Variants in NMBR observed in about 807,000 individuals in gnomAD.
NMBR encodes the protein neuromedin-B receptor.
Under a neutral mutation model 20.5 loss-of-function variants are expected in NMBR, and 16 were observed. That is an observed-to-expected ratio of 0.78 (90% CI 0.53 to 1.19). The LOEUF (loss-of-function observed/expected upper bound fraction) is 1.19. Ranked by LOEUF, NMBR falls within the 50% of genes most tolerant of loss-of-function variation. The pLI is 0.00. For missense variants in NMBR, 582 were observed against 499.1 expected, an observed-to-expected ratio of 1.17 and a Z score of -1.58; for synonymous variants, 212 against 196.6, an observed-to-expected ratio of 1.08 and a Z score of -0.65.
intron 1 of NMBR, among the ~76,000 whole-genome samples, chr6:142,141,625 C>A (rs1778363190): frequency 6.6e-6 from 1 of 151,122 alleles, no homozygotes; most frequent in Non-Finnish European, 1.5e-5. Context: ...CTGCCTCAGC[C>A]TCCCGAATAG....
At chr6:142,116,840 A>T (rs1208949912) in intron 1 of NMBR, among the ~76,000 whole-genome samples, 1 of 152,064 alleles carries the variant, frequency 6.6e-6, no homozygotes, top group African/African-American at 2.4e-5. Flanking sequence ...TAAACAAATA[A>T]GCCATAATTA....
At chr6:142,131,907 C>A (rs1259693321) in intron 1 of NMBR, among the ~76,000 whole-genome samples, 1 of 152,186 alleles carries the variant, frequency 6.6e-6, no homozygotes. Context: ...AAAGCCAAAG[C>A]ACTATTCCTT....
chr6:142,093,439 G>A (rs546364404), intron 1 of NMBR, among the ~76,000 whole-genome samples: 42 of 151,210 alleles, frequency 2.8e-4, no homozygotes, highest in Admixed American at 7.2e-4. Context: ...TGCTGAGAAT[G>A]ATGGTTTCCA....
chr6:142,118,607 G>C (rs1777891687), intron 1 of NMBR, among the ~76,000 whole-genome samples: 1 of 151,962 alleles, frequency 6.6e-6, no homozygotes, highest in Non-Finnish European at 1.5e-5. Context: ...TACTCAGCAG[G>C]CATGAAATGT....
chr6:142,088,204 T>C, intron 2 of NMBR, 33 bp downstream of exon 2: 5 of 1,593,832 alleles, frequency 3.1e-6, no homozygotes, highest in Non-Finnish European at 4.3e-6. Flanking sequence ...TCCACGACTT[T>C]TCCAAGCCAC....
chr6:142,139,007 A>T (rs764213283), intron 1 of NMBR, among the ~76,000 whole-genome samples: 1 of 152,088 alleles, frequency 6.6e-6, no homozygotes, highest in South Asian at 2.1e-4. Flanking sequence ...TCAGATGTCT[A>T]TTTGGTGGTT....
At chr6:142,106,241 G>A (rs1048892094) in intron 1 of NMBR, among the ~76,000 whole-genome samples, 5 of 152,108 alleles carry the variant, frequency 3.3e-5, no homozygotes, top group African/African-American at 1.2e-4. Flanking sequence ...TCCCAAAATA[G>A]CAAGGAGGCA....
chr6:142,105,308 A>G (rs1210370229), intron 1 of NMBR, among the ~76,000 whole-genome samples: 1 of 152,162 alleles, frequency 6.6e-6, no homozygotes, highest in Non-Finnish European at 1.5e-5. Context: ...GTCACAGGCG[A>G]TATGATGGCT....
chr6:142,129,210 T>C (rs1778096315), intron 1 of NMBR, among the ~76,000 whole-genome samples: 1 of 151,640 alleles, frequency 6.6e-6, no homozygotes, highest in Admixed American at 6.6e-5. Context: ...ACTCCCAGGG[T>C]TTAGAATAGT....
chr6:142,105,508 C>A (rs777204347), intron 1 of NMBR, among the ~76,000 whole-genome samples: 17 of 152,130 alleles, frequency 1.1e-4, no homozygotes, highest in Non-Finnish European at 1.6e-4. Context: ...TTTACATTTT[C>A]TCCAACTTTA....
intron 1 of NMBR, among the ~76,000 whole-genome samples, chr6:142,101,613 G>A (rs953890049): frequency 3.3e-5 from 5 of 152,082 alleles, no homozygotes; most frequent in African/African-American, 1.2e-4. Context: ...TTTTCTTTAA[G>A]GTCTTAGTTT....
chr6:142,104,380 C>T (rs917787689), intron 1 of NMBR, among the ~76,000 whole-genome samples: 3 of 152,142 alleles, frequency 2.0e-5, no homozygotes, highest in Admixed American at 6.5e-5. Flanking sequence ...TTTTATTTGG[C>T]AGTGGTTTCC....
Position 142,116,845 on chromosome 6 carries a change from T to A in NMBR, c.-663-27524A>T, listed in dbSNP as rs529990085. Among the ~76,000 whole-genome samples the A allele has an allele frequency of 5.9e-5, 9 of 152,182 alleles. No individual in the cohort carries two copies. The South Asian group carries it at 1.4e-3, about 25-fold the overall frequency. The stretch of plus-strand genomic sequence containing the variant: ...TATTCACTGTTAAACAAATAAGCCA[T>A]AATTATTATCATTGTCATTAGCATA... On this transcript the variant is annotated intron_variant, in intron 1 of 3. Transcript: ENST00000258042.
chr6:142,076,613 A>T (rs1776955102), intron 3 of NMBR, among the ~76,000 whole-genome samples: 2 of 152,196 alleles, frequency 1.3e-5, no homozygotes, highest in African/African-American at 4.8e-5. Flanking sequence ...TGTCACATTC[A>T]CAAATAAAAA....
chr6:142,099,141 C>T (rs866964300), intron 1 of NMBR, among the ~76,000 whole-genome samples: 2 of 152,038 alleles, frequency 1.3e-5, no homozygotes, highest in Admixed American at 6.6e-5. Flanking sequence ...GAGTTTACAC[C>T]CTCCACAAAA....
chr6:142,075,686 G>T lies in NMBR; in HGVS notation c.1135C>A (p.Leu379Ile), dbSNP rs1323991449. 6.2e-7 allele frequency: 1 copy of T among 1,613,254 alleles called. No individual in the cohort carries two copies. The highest frequency in any genetic ancestry group is 8.5e-7 in the Non-Finnish European group (1 of 1,179,624). ...TCCTGCTTCATGCTGTGCCCATTTA[G>T]TAAAACAGAATTGGTCACCATGTTC... is the stretch of plus-strand genomic sequence containing the variant. Reference protein sequence around the residue: ...AKNMVTNSVLLNGHSMKQEMA... With the variant: ...AKNMVTNSVLINGHSMKQEMA... Residue 379 changes from leucine (L) to isoleucine (I), a missense_variant, in exon 4 of 4, where the codon CTA (leucine) becomes ATA (isoleucine). Leu to Ile is a conservative substitution (Grantham distance 5). Transcript: ENST00000258042.
At chr6:142,124,791 A>G (rs1778002305) in intron 1 of NMBR, among the ~76,000 whole-genome samples, 1 of 151,966 alleles carries the variant, frequency 6.6e-6, no homozygotes, top group Non-Finnish European at 1.5e-5. Flanking sequence ...TGGCACATCT[A>G]AATTACTGAC....
intron 1 of NMBR, among the ~76,000 whole-genome samples, chr6:142,137,180 G>T (rs916060572): frequency 6.6e-6 from 1 of 152,116 alleles, no homozygotes; most frequent in African/African-American, 2.4e-5. Context: ...TTGAGCAGTG[G>T]TTTGCAGTTC....
intron 2 of NMBR, 79 bp downstream of exon 2, chr6:142,088,158 G>T: frequency 7.1e-7 from 1 of 1,414,990 alleles, no homozygotes; most frequent in Non-Finnish European, 9.7e-7. Context: ...TCTGCCAGTA[G>T]GTGCACTCCG....
Sources: allele counts gnomAD v4.1 joint callset (sites outside exome capture counted in the v4.1 genomes callset), GRCh38; gene constraint gnomAD v4.1.1; transcripts MANE v1.5; gene names NCBI Gene and HGNC (gene_info 2026-07-23, HGNC 2026-07-21).